Variants in JDP2 observed in about 807,000 individuals in gnomAD.
JDP2 encodes the protein progesterone receptor co-activator.
A neutral mutation model predicts 17.1 loss-of-function variants in JDP2; 9 were observed. That is an observed-to-expected ratio of 0.53 (90% CI 0.32 to 0.92). The LOEUF (loss-of-function observed/expected upper bound fraction) is 0.92, where lower values mean the gene tolerates loss of function less well. Ranked by LOEUF, JDP2 falls within the 40% of genes least tolerant of loss-of-function variation. JDP2 has a pLI of 0.04. For synonymous variants in JDP2, 107 were observed against 95.6 expected, an observed-to-expected ratio of 1.12 and a Z score of -0.69; for missense variants, 179 against 220.0, an observed-to-expected ratio of 0.81 and a Z score of 1.18.
intron 1 of JDP2, among the ~76,000 whole-genome samples, chr14:75,429,812 T>G (rs1420554674): frequency 6.6e-6 from 1 of 152,210 alleles, no homozygotes; most frequent in East Asian, 1.9e-4. Context: ...CCTTCTACTT[T>G]GGCTTTGGTT....
At chr14:75,449,203 A>G (rs1377992749) in intron 2 of JDP2, among the ~76,000 whole-genome samples, 2 of 152,248 alleles carry the variant, frequency 1.3e-5, no homozygotes, top group African/African-American at 4.8e-5. Context: ...GTAGAGAATA[A>G]TTAAGCCAAG....
At chr14:75,437,730 T>C (rs931639835) in intron 1 of JDP2, among the ~76,000 whole-genome samples, 168 bp from the exon 2 acceptor site, 10 of 152,242 alleles carry the variant, frequency 6.6e-5, no homozygotes, top group Non-Finnish European at 1.2e-4. Context: ...TTGAGCAACT[T>C]TTCCTCTATA....
At chr14:75,464,890 T>C (rs925412481) in intron 3 of JDP2, among the ~76,000 whole-genome samples, 2 of 152,244 alleles carry the variant, frequency 1.3e-5, no homozygotes, top group Non-Finnish European at 2.9e-5. Context: ...TGTATAATGC[T>C]GGCAGCTTCT....
At position 75,461,550 on chromosome 14, in the gene JDP2, G is replaced by A; in HGVS notation, c.306+20G>A. The A allele has an allele frequency of 6.4e-7, 1 of 1,560,874 alleles. No individual in the cohort carries two copies. Among genetic ancestry groups the A allele is most frequent in the Non-Finnish European group, 8.7e-7 (1 of 1,147,344 alleles). ...CAGCGGGTGAGCTGACCGGGTGGGT[G>A]GGGAGGCCTGCCATTCCTTGGAGTG... On this transcript the variant is annotated intron_variant, in intron 3 of 3. Transcript: ENST00000651602.
At chr14:75,448,221 C>G (rs936165928) in intron 2 of JDP2, among the ~76,000 whole-genome samples, 1 of 151,698 alleles carries the variant, frequency 6.6e-6, no homozygotes, top group African/African-American at 2.4e-5. Context: ...TTTGTGGTAT[C>G]ATTTGAACAA....
rs1180505258 is a variant in JDP2 at position 75,457,839 on chromosome 14, CAG to C, written c.202-3581_202-3580del. Reference sequence around the variant, plus strand: ...CCCAGCTTTGCTGGCCTACTACAAACAGAGAGAAGAGGCCACCCCGGCAGAGA... The same window carrying C: ...CCCAGCTTTGCTGGCCTACTACAAACAGAGAAGAGGCCACCCCGGCAGAGA... On this transcript the variant is annotated intron_variant, in intron 2 of 3. Transcript: ENST00000651602. Among the ~76,000 whole-genome samples the C allele has an allele frequency of 2.6e-5, 4 of 152,376 alleles. No individual in the cohort carries two copies. In the East Asian group the frequency reaches 5.8e-4, roughly 22 times the overall value.
intron 2 of JDP2, among the ~76,000 whole-genome samples, chr14:75,447,262 GT>G (rs753905057): frequency 6.6e-5 from 10 of 152,196 alleles, no homozygotes; most frequent in Non-Finnish European, 1.5e-4. Context: ...GGACATCTGT[GT>G]TCAGGTCAGA....
At chr14:75,443,172 C>T (rs902054334) in intron 2 of JDP2, among the ~76,000 whole-genome samples, 4 of 152,158 alleles carry the variant, frequency 2.6e-5, no homozygotes, top group African/African-American at 9.7e-5. Context: ...GCCATGTTCA[C>T]TCAGCCCCAG....
intron 2 of JDP2, among the ~76,000 whole-genome samples, chr14:75,448,992 G>A (rs554335828): frequency 5.0e-4 from 76 of 152,182 alleles, no homozygotes; most frequent in African/African-American, 1.8e-3. Context: ...TCCATCCTCC[G>A]GGCCAGATAT....
intron 2 of JDP2, among the ~76,000 whole-genome samples, chr14:75,460,727 C>G (rs763397723): frequency 4.0e-4 from 61 of 152,316 alleles, no homozygotes; most frequent in South Asian, 1.0e-3. Flanking sequence ...ATTCTTCCCC[C>G]AGAATGTCCA....
In JDP2 at chr14:75,469,450, T is replaced by G. The variant is rs1886721449; in HGVS notation, c.467T>G (p.Leu156Arg). 1.2e-6 allele frequency: 2 copies of G among 1,613,210 alleles called. No homozygotes were observed. The change falls in exon 4 of 4, where the codon CTG becomes CGG. Residue 156 changes from leucine to arginine, a missense_variant. Transcript: ENST00000651602. ...VKTPESEGNP[L>R]LEQLEKK ...ACCCCCGAGTCAGAAGGCAACCCAC[T>G]GCTCGAGCAGCTCGAGAAGAAGTGA...
chr14:75,446,540 A>G (rs964578128), intron 2 of JDP2, among the ~76,000 whole-genome samples: 3 of 152,210 alleles, frequency 2.0e-5, no homozygotes, highest in Non-Finnish European at 1.5e-5. Flanking sequence ...TGCTGGGTAA[A>G]AGAAGCCAGC....
chr14:75,437,705 C>T (rs556656420), intron 1 of JDP2, among the ~76,000 whole-genome samples, 193 bp from the exon 2 acceptor site: 1 of 152,344 alleles, frequency 6.6e-6, no homozygotes, highest in East Asian at 1.9e-4. Flanking sequence ...CAAGGGTGAC[C>T]TTGGTGTGAG....
At chr14:75,442,129 A>G (rs1452239198) in intron 2 of JDP2, among the ~76,000 whole-genome samples, 1 of 152,202 alleles carries the variant, frequency 6.6e-6, no homozygotes, top group African/African-American at 2.4e-5. Flanking sequence ...GTTAAGGGGC[A>G]GGAGTCGGCC....
chr14:75,456,080 G>C (rs993470934), intron 2 of JDP2, among the ~76,000 whole-genome samples: 2 of 152,160 alleles, frequency 1.3e-5, no homozygotes, highest in Non-Finnish European at 2.9e-5. Flanking sequence ...GGTGTCCCAG[G>C]CATCTTTCAG....
intron 2 of JDP2, among the ~76,000 whole-genome samples, chr14:75,444,306 A>G (rs1885493206): frequency 6.6e-6 from 1 of 152,194 alleles, no homozygotes; most frequent in Admixed American, 6.5e-5. Context: ...TCACTTTTCA[A>G]ATGTGTTGAT....
In JDP2 at chr14:75,472,059, C is replaced by G. The variant is rs1471997922; in HGVS notation, c.*2584C>G. On this transcript the variant is annotated 3_prime_UTR_variant, in exon 4 of 4. Transcript: ENST00000651602. ...TCTTCCAAAGTCACCACACCAGTGA[C>G]TTGTGCTGTGCGGAGCCTTCCTCAC... 6.6e-6 allele frequency: 1 copy of G among 152,256 alleles called. No homozygotes were observed. The highest frequency in any genetic ancestry group is 1.5e-5 in the Non-Finnish European group (1 of 68,088). The allele number at this position is 152,256 out of a possible 1,614,324, so 9.4% of individuals were successfully genotyped here. A position where few individuals can be genotyped will look rare whatever the true frequency, so the allele number is the denominator to read the frequency against.
rs148964666 is a variant in JDP2 at position 75,463,363 on chromosome 14, G to A, written c.306+1833G>A. Among the ~76,000 whole-genome samples the A allele has an allele frequency of 3.0e-3, 457 of 152,350 alleles. 3 individuals are homozygous for A. The highest frequency in any genetic ancestry group is 0.01 in the African/African-American group (430 of 41,580). On this transcript the variant is annotated intron_variant, in intron 3 of 3. Transcript: ENST00000651602. ...GGCCAAGGTCACACTGCTAGCGAGT[G>A]GTGGGCTTGGATGTATTCATCCTTT...
chr14:75,437,415 G>A (rs887506488), intron 1 of JDP2, among the ~76,000 whole-genome samples: 1 of 152,228 alleles, frequency 6.6e-6, no homozygotes, highest in Admixed American at 6.5e-5. Context: ...TCTGAAACAG[G>A]TGTGAAGGTG....
Sources: gnomAD v4.1 joint callset for allele counts (sites outside exome capture counted in the v4.1 genomes callset) on GRCh38, gnomAD v4.1.1 for gene constraint, MANE v1.5 for transcripts, NCBI Gene and HGNC (gene_info 2026-07-23, HGNC 2026-07-21) for gene names.